Variants in TOX2 observed in about 807,000 individuals in gnomAD.
TOX2 encodes granulosa cell HMG box 1.
In TOX2, 15 loss-of-function variants were observed where a neutral mutation model predicts 47.4. The ratio of observed to expected loss-of-function variants is 0.32; its 90% CI spans 0.21 to 0.49. TOX2 has a LOEUF of 0.49. TOX2 is among the 20% of genes least tolerant of loss of function. The probability of loss-of-function intolerance (pLI) is 0.99; values close to 1 mark genes in which losing one functional copy is unlikely to be tolerated. For missense variants in TOX2, 622 were observed against 673.1 expected, an observed-to-expected ratio of 0.92 and a Z score of 0.84; for synonymous variants, 290 against 296.6, an observed-to-expected ratio of 0.98 and a Z score of 0.23.
At chr20:43,943,646 A>T (rs1344071572) in intron 1 of TOX2, among the ~76,000 whole-genome samples, 2 of 152,228 alleles carry the variant, frequency 1.3e-5, no homozygotes, top group Non-Finnish European at 2.9e-5. Context: ...CAGAGGGAAC[A>T]ACAAAAAAAA....
intron 3 of TOX2, among the ~76,000 whole-genome samples, chr20:44,031,964 G>C (rs1600760421): frequency 6.6e-6 from 1 of 152,310 alleles, no homozygotes; most frequent in East Asian, 1.9e-4. Flanking sequence ...ATCCTAGCAG[G>C]GGGAGCGAGA....
chr20:44,006,836 G>T, intron 3 of TOX2, 44 bp downstream of exon 3: 1 of 1,590,120 alleles, frequency 6.3e-7, no homozygotes. Context: ...ATGACAGCAG[G>T]GAGGGGGTTG....
intron 2 of TOX2, among the ~76,000 whole-genome samples, chr20:43,999,461 T>TA (rs1052609920): frequency 3.3e-5 from 5 of 151,390 alleles, no homozygotes; most frequent in African/African-American, 4.9e-5. Context: ...TAAAGGAAAC[T>TA]AAAAAAAAAT....
chr20:44,011,164 T>C (rs1234560760), intron 3 of TOX2, among the ~76,000 whole-genome samples: 1 of 152,184 alleles, frequency 6.6e-6, no homozygotes, highest in Non-Finnish European at 1.5e-5. Flanking sequence ...TCAAGATCCT[T>C]AATCACATCT....
intron 1 of TOX2, among the ~76,000 whole-genome samples, chr20:43,927,656 T>C (rs1426314833): frequency 9.5e-5 from 10 of 105,358 alleles, no homozygotes; most frequent in African/African-American, 5.2e-4. Context: ...TTCCCTTCCC[T>C]TCCCCTTCCT....
intron 3 of TOX2, among the ~76,000 whole-genome samples, chr20:44,026,171 A>G (rs1037373484): frequency 6.7e-6 from 1 of 148,174 alleles, no homozygotes; most frequent in African/African-American, 2.5e-5. Flanking sequence ...ACAATTCACA[A>G]TTGCAAAATG....
At chr20:43,938,209 C>G (rs749022392) in intron 1 of TOX2, among the ~76,000 whole-genome samples, 6 of 152,232 alleles carry the variant, frequency 3.9e-5, no homozygotes, top group Non-Finnish European at 7.4e-5. Context: ...CCATGGCAAC[C>G]GGGATATGTC....
chr20:44,013,939 G>A (rs986586923), intron 3 of TOX2, among the ~76,000 whole-genome samples: 1 of 151,922 alleles, frequency 6.6e-6, no homozygotes, highest in Non-Finnish European at 1.5e-5. Flanking sequence ...AGACCAGCCT[G>A]GCCAACATAG....
At chr20:44,055,489 G>T (rs2071600156) in intron 5 of TOX2, among the ~76,000 whole-genome samples, 1 of 152,200 alleles carries the variant, frequency 6.6e-6, no homozygotes, top group South Asian at 2.1e-4. Context: ...GACCAGGATG[G>T]CCAGAGAGGA....
At chr20:44,052,947 G>A (rs1424654010) in intron 4 of TOX2, among the ~76,000 whole-genome samples, 1 of 152,222 alleles carries the variant, frequency 6.6e-6, no homozygotes, top group Non-Finnish European at 1.5e-5. Context: ...GCTTGGAGAA[G>A]GGAGTAGCTG....
intron 2 of TOX2, among the ~76,000 whole-genome samples, chr20:43,982,672 C>T (rs1349134909): frequency 6.6e-6 from 1 of 151,718 alleles, no homozygotes; most frequent in East Asian, 2.0e-4. Context: ...AGCATGGTGG[C>T]TGAGCTGAAG....
At chr20:44,034,962 A>G (rs1225866518) in intron 3 of TOX2, among the ~76,000 whole-genome samples, 2 of 152,178 alleles carry the variant, frequency 1.3e-5, no homozygotes, top group Non-Finnish European at 2.9e-5. Context: ...GAGAATTGCA[A>G]TAGCCACCCC....
intron 1 of TOX2, among the ~76,000 whole-genome samples, chr20:43,926,214 G>A (rs748934297): frequency 5.3e-5 from 8 of 152,132 alleles, no homozygotes; most frequent in Admixed American, 1.3e-4. Context: ...GGCCCTTTAT[G>A]TCTCATTTAT....
chr20:44,038,501 G>A (rs986902286), intron 3 of TOX2, among the ~76,000 whole-genome samples: 1 of 152,070 alleles, frequency 6.6e-6, no homozygotes, highest in African/African-American at 2.4e-5. Flanking sequence ...GTATACATCT[G>A]TCAGCACATC....
chr20:43,950,231 G>A (rs867148614), intron 1 of TOX2, among the ~76,000 whole-genome samples: 15 of 152,124 alleles, frequency 9.9e-5, no homozygotes, highest in Admixed American at 5.9e-4. Context: ...AGCAGCCATC[G>A]GGGCAACCTG....
chr20:44,005,040 A>T (rs972433649), intron 2 of TOX2, among the ~76,000 whole-genome samples: 1 of 152,266 alleles, frequency 6.6e-6, no homozygotes, highest in Non-Finnish European at 1.5e-5. Context: ...CATTATTTGT[A>T]TCAAAACATC....
At chr20:44,058,585 C>T (rs2071663553) in intron 5 of TOX2, among the ~76,000 whole-genome samples, 1 of 152,230 alleles carries the variant, frequency 6.6e-6, no homozygotes. Flanking sequence ...GGCTAGAGGC[C>T]AACCAACACA....
intron 1 of TOX2, among the ~76,000 whole-genome samples, chr20:43,931,612 C>T (rs2069253905): frequency 6.6e-6 from 1 of 152,170 alleles, no homozygotes; most frequent in African/African-American, 2.4e-5. Context: ...TGTCTGGGTG[C>T]TTGGACGTTG....
intron 1 of TOX2, among the ~76,000 whole-genome samples, chr20:43,946,341 C>T (rs2069470188): frequency 6.6e-6 from 1 of 152,116 alleles, no homozygotes; most frequent in Admixed American, 6.5e-5. Context: ...TGCAGTAGGC[C>T]TGGCCAGGTG....
Sources: gnomAD v4.1 joint callset for allele counts (sites outside exome capture counted in the v4.1 genomes callset) on GRCh38, gnomAD v4.1.1 for gene constraint, MANE v1.5 for transcripts, NCBI Gene and HGNC (gene_info 2026-07-23, HGNC 2026-07-21) for gene names.